KBTBD2: variants seen among roughly 807,000 people sequenced by gnomAD.
KBTBD2 encodes kelch repeat and BTB domain-containing protein 2.
In KBTBD2, 17 loss-of-function variants were observed where a neutral mutation model predicts 57.1. That is an observed-to-expected ratio of 0.30 (90% confidence interval 0.20 to 0.45). The LOEUF is 0.45. KBTBD2 is among the 20% of genes least tolerant of loss of function. The probability of loss-of-function intolerance (pLI) is 1.00; values close to 1 mark genes in which losing one functional copy is unlikely to be tolerated. For missense variants in KBTBD2, 515 were observed against 750.6 expected (o/e 0.69, Z 3.67); for synonymous variants, 267 against 262.7 (o/e 1.02, Z -0.16).
At chr7:32,887,338 G>A (rs909924324) in intron 1 of KBTBD2, among the ~76,000 whole-genome samples, 10 of 152,094 alleles carry the variant, frequency 6.6e-5, no homozygotes, top group African/African-American at 2.4e-4. Context: ...GTTGATGATC[G>A]CAGTTAACAA....
intron 1 of KBTBD2, among the ~76,000 whole-genome samples, chr7:32,881,467 ACT>A (rs1396951773): frequency 1.3e-5 from 2 of 152,218 alleles, no homozygotes; most frequent in Non-Finnish European, 2.9e-5. Context: ...CATTAGAATC[ACT>A]GTTATTTTTC....
Position 32,870,373 on chromosome 7 carries a change from G to C in KBTBD2, c.844C>G (p.Leu282Val). The C allele has an allele frequency of 6.2e-7, 1 of 1,613,274 alleles. No individual in the cohort carries two copies. Among genetic ancestry groups the C allele is most frequent in the African/African-American group, 1.3e-5 (1 of 74,948 alleles). Residue 282 changes from leucine to valine, a missense_variant, in exon 4 of 4, where the codon CTT becomes GTT. By Grantham distance (32) the Leu-to-Val change is conservative. Coordinates refer to ENST00000304056, the MANE Select transcript of KBTBD2 (RefSeq NM_015483.3). ...IEASSENPCS[L>V]YSSVCYSPQA... is the part of the protein sequence containing the mutation. The stretch of plus-strand genomic sequence containing the variant: ...GGGCTGTAACAGACAGAAGAGTAAA[G>C]ACTACAAGGATTTTCTGAAGATGCT...
intron 1 of KBTBD2, among the ~76,000 whole-genome samples, chr7:32,889,843 T>C (rs1205011181): frequency 6.6e-6 from 1 of 152,194 alleles, no homozygotes; most frequent in Non-Finnish European, 1.5e-5. Context: ...GAAAAACCAA[T>C]GTTATCATTT....
intron 1 of KBTBD2, among the ~76,000 whole-genome samples, chr7:32,890,091 A>G (rs962236616): frequency 1.8e-5 from 2 of 111,500 alleles, no homozygotes; most frequent in African/African-American, 1.0e-4. Flanking sequence ...TACAGCACTC[A>G]TAAAGTCTTC....
In KBTBD2 at chr7:32,868,765, C is replaced by T. The variant is rs531298157; in HGVS notation, c.*580G>A. 2.6e-5 allele frequency: 4 copies of T among 152,834 alleles called. No individual in the cohort carries two copies. The East Asian group carries it at 7.7e-4, about 29-fold the overall frequency. 9.5% of individuals were successfully genotyped at this position (152,834 alleles called of 1,614,324 possible). A position where few individuals can be genotyped will look rare whatever the true frequency, so the allele number is the denominator to read the frequency against. On this transcript the variant is annotated 3_prime_UTR_variant, in exon 4 of 4. Coordinates refer to ENST00000304056, the MANE Select transcript of KBTBD2 (RefSeq NM_015483.3). Reference sequence around the variant, plus strand: ...AGTATAAGTTAGTGAAAAGAGAATACATGCACCTAATAGTATAGTTAGACT... The same window carrying T: ...AGTATAAGTTAGTGAAAAGAGAATATATGCACCTAATAGTATAGTTAGACT...
At chr7:32,891,262 G>A (rs1164858099) in intron 1 of KBTBD2, 1 of 149,502 alleles carries the variant, frequency 6.7e-6, no homozygotes, top group African/African-American at 2.4e-5. Context: ...GAAACGCCCA[G>A]CTAGCGGCGT....
rs117155665 is a variant in KBTBD2, at chr7:32,873,239, A to G, written c.336+1753T>C. 1.3e-3 allele frequency among the ~76,000 whole-genome samples: 205 copies of G among 152,286 alleles called. 7 individuals carry two copies. In the East Asian group the frequency reaches 0.034, roughly 26 times the overall value. ...GTAAAACAGTTTGTCATACATAAAT[A>G]TATCAACCATCACTTGTTTTGTTTA... On this transcript the variant is annotated intron_variant, in intron 3 of 3. Transcript: ENST00000304056.
chr7:32,884,619 G>C (rs1439721204), intron 1 of KBTBD2, among the ~76,000 whole-genome samples: 1 of 151,904 alleles, frequency 6.6e-6, no homozygotes, highest in Non-Finnish European at 1.5e-5. Context: ...GAACCCAGGA[G>C]GAGGAGGTTG....
In KBTBD2 at chr7:32,876,679, C is replaced by T. The variant is rs556756149; in HGVS notation, c.171-1522G>A. Among the ~76,000 whole-genome samples, 524 of 152,238 alleles carry T rather than the reference C, an allele frequency of 3.4e-3. 1 individual carries two copies. The highest frequency in any genetic ancestry group is 6.1e-3 in the Non-Finnish European group (418 of 68,018). On this transcript the variant is annotated intron_variant, in intron 2 of 3. Transcript: ENST00000304056. ...GAATACAAAAACCACTATAGCTGGG[C>T]GCTTGGTGGCTCACACTTGTAATCC...
chr7:32,886,254 T>C (rs1026184839), intron 1 of KBTBD2, among the ~76,000 whole-genome samples: 2 of 152,182 alleles, frequency 1.3e-5, no homozygotes, highest in African/African-American at 4.8e-5. Context: ...CAAAGTCCTA[T>C]TTATTTTTAA....
At chr7:32,889,066 C>T (rs1228276570) in intron 1 of KBTBD2, among the ~76,000 whole-genome samples, 1 of 152,144 alleles carries the variant, frequency 6.6e-6, no homozygotes, top group Non-Finnish European at 1.5e-5. Context: ...TAAATCCCAG[C>T]ACTTTGGGAG....
At chr7:32,892,089 T>G (rs1184562546), upstream of KBTBD2, 1 of 151,494 alleles carries the variant, frequency 6.6e-6, no homozygotes, top group East Asian at 2.0e-4. Context: ...CCTCCCTTAC[T>G]CTAGCTGCCC....
At chr7:32,883,235 G>A (rs1263331286) in intron 1 of KBTBD2, among the ~76,000 whole-genome samples, 2 of 151,726 alleles carry the variant, frequency 1.3e-5, no homozygotes, top group Non-Finnish European at 2.9e-5. Context: ...AAAATTAGTC[G>A]GGTATGGTGG....
intron 1 of KBTBD2, among the ~76,000 whole-genome samples, chr7:32,890,451 G>A (rs995478131): frequency 6.6e-6 from 1 of 152,130 alleles, no homozygotes; most frequent in Non-Finnish European, 1.5e-5. Context: ...AATTACAAGA[G>A]ATCTAAGACC....
At chr7:32,881,132 A>G (rs995405810) in intron 1 of KBTBD2, among the ~76,000 whole-genome samples, 1 of 152,082 alleles carries the variant, frequency 6.6e-6, no homozygotes, top group African/African-American at 2.4e-5. Flanking sequence ...AGATATGATA[A>G]AGATAAATAT....
chr7:32,882,605 C>T (rs1784471597), intron 1 of KBTBD2, among the ~76,000 whole-genome samples: 1 of 152,188 alleles, frequency 6.6e-6, no homozygotes, highest in South Asian at 2.1e-4. Context: ...CCTGGAGAGG[C>T]AGCCTACGTA....
chr7:32,869,792 T>A lies in KBTBD2; in HGVS notation c.1425A>T (p.Gly475=). 1 of 1,613,890 alleles carries A rather than the reference T, an allele frequency of 6.2e-7. No homozygotes were observed. Among genetic ancestry groups the A allele is most frequent in the African/African-American group, 1.3e-5 (1 of 74,988 alleles). ...AAFGDKIFYI[G]GLHIATNSGI... ...CGGAATTGGTAGCAATATGCAACCC[T>A]CCAATATAGAAAATTTTATCACCAA... is the stretch of plus-strand genomic sequence containing the variant. Residue 475 remains glycine, a synonymous_variant, in exon 4 of 4, where the codon GGA becomes GGT. Coordinates refer to ENST00000304056, the MANE Select transcript of KBTBD2 (RefSeq NM_015483.3).
At chr7:32,888,566 A>G (rs55893831) in intron 1 of KBTBD2, among the ~76,000 whole-genome samples, 30,369 of 151,990 alleles carry the variant, frequency 0.2, 3,765 homozygotes, top group Admixed American at 0.4. Flanking sequence ...AAAAAAACAA[A>G]AAAACCAAAA....
intron 2 of KBTBD2, among the ~76,000 whole-genome samples, chr7:32,877,915 C>T (rs1396659164): frequency 2.6e-5 from 4 of 151,282 alleles, no homozygotes; most frequent in Non-Finnish European, 5.9e-5. Flanking sequence ...TTGAGACCAG[C>T]GTGGGCAACA....
Sources: allele counts gnomAD v4.1 joint callset (sites outside exome capture counted in the v4.1 genomes callset), GRCh38; gene constraint gnomAD v4.1.1; transcripts MANE v1.5; gene names NCBI Gene and HGNC (gene_info 2026-07-23, HGNC 2026-07-21).